LRRTM4: variants seen among roughly 807,000 people sequenced by gnomAD.
LRRTM4 encodes the protein leucine-rich repeat transmembrane neuronal protein 4.
A neutral mutation model predicts 47.6 loss-of-function variants in LRRTM4; 25 were observed. The ratio of observed to expected loss-of-function variants is 0.53; its 90% CI spans 0.38 to 0.73. The LOEUF is 0.73. Among genes scored for constraint, LRRTM4 ranks in the 30% least tolerant of loss-of-function variants. The pLI is 0.00. For missense variants in LRRTM4, 638 were observed against 713.4 expected, an observed-to-expected ratio of 0.89 and a Z score of 1.20; for synonymous variants, 311 against 269.5, an observed-to-expected ratio of 1.15 and a Z score of -1.51.
At chr2:77,403,041 T>C (rs1024720951) in intron 3 of LRRTM4, among the ~76,000 whole-genome samples, 15 of 152,020 alleles carry the variant, frequency 9.9e-5, no homozygotes, top group African/African-American at 3.6e-4. Context: ...GTTTTATCTC[T>C]GTTAAACTAT....
intron 3 of LRRTM4, among the ~76,000 whole-genome samples, chr2:77,149,187 C>A (rs1672350257): frequency 6.6e-6 from 1 of 151,962 alleles, no homozygotes; most frequent in Non-Finnish European, 1.5e-5. Context: ...CAAAACAATA[C>A]CACTGGATTT....
intron 3 of LRRTM4, among the ~76,000 whole-genome samples, chr2:76,854,436 C>G (rs1010775585): frequency 1.3e-5 from 2 of 151,996 alleles, no homozygotes; most frequent in Admixed American, 6.6e-5. Context: ...GTAACATGCA[C>G]AATGACCAAA....
intron 3 of LRRTM4, among the ~76,000 whole-genome samples, chr2:76,908,405 T>C (rs1037749402): frequency 6.6e-6 from 1 of 151,654 alleles, no homozygotes; most frequent in African/African-American, 2.4e-5. Context: ...GGGCAAAAAC[T>C]GGAAGCATTC....
At chr2:77,174,422 G>A (rs1365057443) in intron 3 of LRRTM4, among the ~76,000 whole-genome samples, 3 of 152,184 alleles carry the variant, frequency 2.0e-5, no homozygotes, top group Admixed American at 6.5e-5. Context: ...TAGGCTTTGA[G>A]ACAGCACAGG....
chr2:76,878,330 A>G (rs1573246131), intron 3 of LRRTM4, among the ~76,000 whole-genome samples: 1 of 152,214 alleles, frequency 6.6e-6, no homozygotes, highest in African/African-American at 2.4e-5. Context: ...AGAGGCAACC[A>G]TATTGAAATT....
chr2:77,447,045 A>G (rs990131508), intron 3 of LRRTM4, among the ~76,000 whole-genome samples: 4 of 152,072 alleles, frequency 2.6e-5, no homozygotes, highest in African/African-American at 7.2e-5. Flanking sequence ...TTTTTTAAAC[A>G]TATTACCAGA....
At chr2:77,119,194 C>A (rs913434180) in intron 3 of LRRTM4, among the ~76,000 whole-genome samples, 8 of 151,838 alleles carry the variant, frequency 5.3e-5, no homozygotes, top group African/African-American at 1.4e-4. Context: ...CTACCACCCC[C>A]ATCCCCACTC....
chr2:76,970,628 C>G (rs1048671214), intron 3 of LRRTM4, among the ~76,000 whole-genome samples: 1 of 152,022 alleles, frequency 6.6e-6, no homozygotes, highest in Non-Finnish European at 1.5e-5. Flanking sequence ...TGCGATTTCT[C>G]ACAAAAGGAA....
At chr2:76,848,786 C>T (rs1330633287) in intron 3 of LRRTM4, among the ~76,000 whole-genome samples, 1 of 151,966 alleles carries the variant, frequency 6.6e-6, no homozygotes, top group Non-Finnish European at 1.5e-5. Context: ...TCTGCTTAAT[C>T]CAAGTATAAA....
At chr2:77,040,136 A>G (rs1678976140) in intron 3 of LRRTM4, among the ~76,000 whole-genome samples, 1 of 151,264 alleles carries the variant, frequency 6.6e-6, no homozygotes, top group South Asian at 2.1e-4. Context: ...TGTAGTCCAA[A>G]TCCATGAATC....
rs563743318 is a variant in LRRTM4, at chr2:76,812,675, CTTTCTT to C, written c.1552-63765_1552-63760del. On this transcript the variant is annotated intron_variant, in intron 3 of 3. Coordinates refer to ENST00000409884, the MANE Select transcript of LRRTM4 (RefSeq NM_001134745.3). ...TGAAGGAGACTGTTACAAATAAGCT[CTTTCTT>C]TCTTTCTTTCTTTCTTTTCTTTCTT... 5.5e-3 allele frequency among the ~76,000 whole-genome samples: 644 copies of C among 116,926 alleles called. 2 individuals carry two copies. The highest frequency in any genetic ancestry group is 7.9e-3 in the Non-Finnish European group (466 of 58,780). 76.7% of individuals were successfully genotyped at this position (116,926 alleles called of 152,430 possible).
chr2:77,154,929 T>G (rs925100191), intron 3 of LRRTM4, among the ~76,000 whole-genome samples: 1 of 152,270 alleles, frequency 6.6e-6, no homozygotes, highest in Non-Finnish European at 1.5e-5. Context: ...AATGGTATCT[T>G]TATCAGAATG....
chr2:76,931,454 T>A (rs1674766494), intron 3 of LRRTM4, among the ~76,000 whole-genome samples: 1 of 152,152 alleles, frequency 6.6e-6, no homozygotes. Context: ...TTGACCTTTC[T>A]CACAATGTCT....
intron 3 of LRRTM4, among the ~76,000 whole-genome samples, chr2:77,243,921 T>TC (rs1675347121): frequency 1.5e-5 from 2 of 129,790 alleles, no homozygotes; most frequent in East Asian, 2.2e-4. Flanking sequence ...CCCTCCCCGC[T>TC]CCCCCCACCC....
chr2:77,235,833 A>G (rs1233496710), intron 3 of LRRTM4, among the ~76,000 whole-genome samples: 1 of 151,956 alleles, frequency 6.6e-6, no homozygotes, highest in Admixed American at 6.6e-5. Context: ...GTAGGCGTGC[A>G]GCTTTATTTC....
At chr2:76,942,115 T>A (rs1675165537) in intron 3 of LRRTM4, among the ~76,000 whole-genome samples, 1 of 152,252 alleles carries the variant, frequency 6.6e-6, no homozygotes, top group South Asian at 2.1e-4. Context: ...TATCTTCTTT[T>A]GAGAAGTGTC....
At chr2:77,248,072 C>T (rs1165838196) in intron 3 of LRRTM4, among the ~76,000 whole-genome samples, 6 of 150,410 alleles carry the variant, frequency 4.0e-5, no homozygotes, top group Non-Finnish European at 4.4e-5. Context: ...AAAATTACTG[C>T]AAAATTTTCA....
intron 3 of LRRTM4, among the ~76,000 whole-genome samples, chr2:77,375,724 T>A (rs1460094197): frequency 6.6e-6 from 1 of 151,778 alleles, no homozygotes; most frequent in Non-Finnish European, 1.5e-5. Flanking sequence ...TCCAGCATAA[T>A]GTCATCCAGT....
rs951948752 is a variant in LRRTM4 at position 76,898,468 on chromosome 2, G to A, written c.1552-149552C>T. On this transcript the variant is annotated intron_variant, in intron 3 of 3. Coordinates refer to ENST00000409884, the MANE Select transcript of LRRTM4 (RefSeq NM_001134745.3). ...GTTGGAAGGCTGAGGCAGGAGAATC[G>A]CTTGAACCCAGGAGGTGGAGGATGA... Among the ~76,000 whole-genome samples the A allele has an allele frequency of 1.0e-4, 15 of 148,060 alleles. No individual in the cohort carries two copies. The South Asian group carries it at 2.7e-3, about 27-fold the overall frequency.
Sources: gnomAD v4.1 joint callset for allele counts (sites outside exome capture counted in the v4.1 genomes callset) on GRCh38, gnomAD v4.1.1 for gene constraint, MANE v1.5 for transcripts, NCBI Gene and HGNC (gene_info 2026-07-23, HGNC 2026-07-21) for gene names.